LRRTM4: variants seen among roughly 807,000 people sequenced by gnomAD.
LRRTM4 encodes the protein leucine rich repeat transmembrane neuronal 4, also known as leucine-rich repeat transmembrane neuronal protein 4.
LRRTM4 carries 25 observed loss-of-function variants against 47.6 expected under a neutral mutation model. The ratio of observed to expected loss-of-function variants is 0.53; its 90% CI spans 0.38 to 0.73. The LOEUF is 0.73. Ranked by LOEUF, LRRTM4 falls within the 30% of genes least tolerant of loss-of-function variation. The pLI is 0.00. For synonymous variants in LRRTM4, 311 were observed against 269.5 expected, an observed-to-expected ratio of 1.15 and a Z score of -1.51; for missense variants, 638 against 713.4, an observed-to-expected ratio of 0.89 and a Z score of 1.20.
intron 3 of LRRTM4, among the ~76,000 whole-genome samples, chr2:77,264,817 T>C (rs6736066): frequency 0.054 from 8,283 of 152,164 alleles, 741 homozygotes; most frequent in African/African-American, 0.19. Context: ...GCTGTACTAA[T>C]AAGAATTGCC....
At chr2:77,066,152 G>A (rs1161284372) in intron 3 of LRRTM4, among the ~76,000 whole-genome samples, 1 of 152,066 alleles carries the variant, frequency 6.6e-6, no homozygotes, top group Non-Finnish European at 1.5e-5. Context: ...TACTGGTGAG[G>A]AGCTCAGATA....
At chr2:77,313,725 T>C (rs891416400) in intron 3 of LRRTM4, among the ~76,000 whole-genome samples, 4 of 152,176 alleles carry the variant, frequency 2.6e-5, no homozygotes, top group African/African-American at 9.7e-5. Flanking sequence ...TACGTACAAT[T>C]GATAGAGTGT....
intron 3 of LRRTM4, among the ~76,000 whole-genome samples, chr2:77,076,168 C>T (rs1680330828): frequency 6.6e-6 from 1 of 151,990 alleles, no homozygotes; most frequent in South Asian, 2.1e-4. Context: ...AATTAAAAGC[C>T]CATCTAACAT....
intron 3 of LRRTM4, among the ~76,000 whole-genome samples, chr2:77,390,181 T>C (rs1449881957): frequency 6.6e-6 from 1 of 152,066 alleles, no homozygotes; most frequent in African/African-American, 2.4e-5. Flanking sequence ...TCCTATTCAT[T>C]TTAAAACAAA....
At chr2:77,349,752 A>G (rs1303891263) in intron 3 of LRRTM4, among the ~76,000 whole-genome samples, 13 of 152,168 alleles carry the variant, frequency 8.5e-5, no homozygotes, top group Non-Finnish European at 1.6e-4. Flanking sequence ...TAGAATAAGA[A>G]TACACACAAA....
At chr2:77,382,631 C>A (rs944808137) in intron 3 of LRRTM4, among the ~76,000 whole-genome samples, 5 of 152,026 alleles carry the variant, frequency 3.3e-5, no homozygotes, top group African/African-American at 2.4e-5. Flanking sequence ...TATGCAAAAA[C>A]AATTAGGAAC....
At chr2:77,512,492 T>A (rs933678902) in intron 3 of LRRTM4, among the ~76,000 whole-genome samples, 1 of 152,280 alleles carries the variant, frequency 6.6e-6, no homozygotes, top group South Asian at 2.1e-4. Flanking sequence ...GTATTCAACA[T>A]CACTTCATGC....
intron 3 of LRRTM4, among the ~76,000 whole-genome samples, chr2:76,895,502 C>CA (rs1359791366): frequency 4.6e-5 from 7 of 152,068 alleles, no homozygotes; most frequent in African/African-American, 1.7e-4. Flanking sequence ...CATAGAACTG[C>CA]AAATGCAGCC....
At chr2:77,361,187 T>C (rs1261434174) in intron 3 of LRRTM4, among the ~76,000 whole-genome samples, 1 of 152,028 alleles carries the variant, frequency 6.6e-6, no homozygotes, top group African/African-American at 2.4e-5. Context: ...AATTCTCATG[T>C]GTTTCACCCA....
rs1401998053 is a variant in LRRTM4 at position 76,797,637 on chromosome 2, G to A, written c.1552-48721C>T. ...ACAATATTAACTTTAAATGTAAATGGACTAAATGCTCCAATTAAAAGACAC... is the reference window on the plus strand; with the variant it reads ...ACAATATTAACTTTAAATGTAAATGAACTAAATGCTCCAATTAAAAGACAC... On this transcript the variant is annotated intron_variant, in intron 3 of 3. Coordinates refer to ENST00000409884, the MANE Select transcript of LRRTM4 (RefSeq NM_001134745.3). 5.3e-5 allele frequency among the ~76,000 whole-genome samples: 8 copies of A among 151,428 alleles called. No individual in the cohort carries two copies. In the East Asian group the frequency reaches 7.8e-4, roughly 15 times the overall value.
At position 77,242,600 on chromosome 2, in the gene LRRTM4, A is replaced by G. The variant is rs1675299727; in HGVS notation, c.1551+275718T>C. Among the ~76,000 whole-genome samples, 3 of 152,190 alleles carry G rather than the reference A, an allele frequency of 2.0e-5. No individual in the cohort carries two copies. In the South Asian group the frequency reaches 6.2e-4, roughly 32 times the overall value. On this transcript the variant is annotated intron_variant, in intron 3 of 3. Coordinates refer to ENST00000409884, the MANE Select transcript of LRRTM4 (RefSeq NM_001134745.3). ...TAATCTTTAGGGAAATATAAATCAAAACCACAATGAGACACTATCTCAGCC... is the reference window on the plus strand; with the variant it reads ...TAATCTTTAGGGAAATATAAATCAAGACCACAATGAGACACTATCTCAGCC...
intron 3 of LRRTM4, among the ~76,000 whole-genome samples, chr2:76,951,286 C>T (rs933289907): frequency 1.9e-4 from 29 of 152,026 alleles, no homozygotes; most frequent in Admixed American, 5.2e-4. Flanking sequence ...ATATGAAAGA[C>T]GTATAATGAT....
chr2:77,141,368 A>G lies in LRRTM4; in HGVS notation c.1551+376950T>C, dbSNP rs557834860. The stretch of plus-strand genomic sequence containing the variant: ...CCATCATTCTCAGCAAACTATCACA[A>G]GGACAAAAAACCAAACACTGCGTGT... On this transcript the variant is annotated intron_variant, in intron 3 of 3. Coordinates refer to ENST00000409884, the MANE Select transcript of LRRTM4 (RefSeq NM_001134745.3). Among the ~76,000 whole-genome samples the G allele has an allele frequency of 2.6e-5, 4 of 151,962 alleles. No individual in the cohort carries two copies. In the South Asian group the frequency reaches 6.3e-4, roughly 24 times the overall value.
intron 3 of LRRTM4, among the ~76,000 whole-genome samples, chr2:77,202,106 G>A (rs1673992689): frequency 1.3e-5 from 2 of 152,060 alleles, no homozygotes; most frequent in Admixed American, 1.3e-4. Flanking sequence ...TCAGGTGAGA[G>A]GATACCAGGA....
intron 3 of LRRTM4, among the ~76,000 whole-genome samples, chr2:77,221,818 C>T (rs1036503348): frequency 1.2e-4 from 19 of 152,132 alleles, no homozygotes; most frequent in African/African-American, 4.6e-4. Context: ...GTTAACAGGG[C>T]TATCCAGGAA....
intron 3 of LRRTM4, among the ~76,000 whole-genome samples, chr2:77,054,681 T>A (rs1052107009): frequency 3.3e-5 from 5 of 152,208 alleles, no homozygotes; most frequent in African/African-American, 1.2e-4. Flanking sequence ...CATTTATAAT[T>A]AGTAAGAGCT....
At chr2:77,087,990 C>A (rs1221091183) in intron 3 of LRRTM4, among the ~76,000 whole-genome samples, 1 of 151,986 alleles carries the variant, frequency 6.6e-6, no homozygotes, top group African/African-American at 2.4e-5. Context: ...CAGAGATGCA[C>A]AGGTGAATGA....
intron 3 of LRRTM4, among the ~76,000 whole-genome samples, chr2:77,383,644 G>A (rs984264666): frequency 1.3e-5 from 2 of 152,014 alleles, no homozygotes; most frequent in African/African-American, 4.8e-5. Context: ...TGCATATGTT[G>A]TGTCATTTAA....
chr2:77,086,116 TTAA>T (rs765756209), intron 3 of LRRTM4, among the ~76,000 whole-genome samples: 19 of 152,318 alleles, frequency 1.2e-4, no homozygotes, highest in East Asian at 9.7e-4. Flanking sequence ...GTAAAAAACC[TTAA>T]TAATAATTGA....
Sources: allele counts gnomAD v4.1 joint callset (sites outside exome capture counted in the v4.1 genomes callset), GRCh38; gene constraint gnomAD v4.1.1; transcripts MANE v1.5; gene names NCBI Gene and HGNC (gene_info 2026-07-23, HGNC 2026-07-21).